MAN1A1: variants seen among roughly 807,000 people sequenced by gnomAD.
MAN1A1 encodes the protein mannosidase alpha class 1A member 1.
In MAN1A1, 29 loss-of-function variants were observed where a neutral mutation model predicts 70.8. That is an observed-to-expected ratio of 0.41 (90% CI 0.31 to 0.56). MAN1A1 has a LOEUF of 0.56. Ranked by LOEUF, MAN1A1 falls within the 20% of genes least tolerant of loss-of-function variation. The pLI is 0.29. For synonymous variants in MAN1A1, 349 were observed against 330.1 expected, an observed-to-expected ratio of 1.06 and a Z score of -0.62; for missense variants, 747 against 841.3, an observed-to-expected ratio of 0.89 and a Z score of 1.39.
chr6:119,291,505 G>A lies in MAN1A1; in HGVS notation c.817-742C>T, dbSNP rs568558168. ...ACAATATTTGATATTCTCTATTTGT[G>A]TAAACATAATGGGGCCAGGGCATTT... On this transcript the variant is annotated intron_variant, in intron 4 of 12. Coordinates refer to ENST00000368468, the MANE Select transcript of MAN1A1 (RefSeq NM_005907.4). Among the ~76,000 whole-genome samples, 11 of 146,216 alleles carry A rather than the reference G, an allele frequency of 7.5e-5. No individual in the cohort carries two copies. The Admixed American group carries it at 7.5e-4, about 10-fold the overall frequency.
In MAN1A1 at chr6:119,348,913, GA is replaced by G; in HGVS notation, c.152del (p.Phe51SerfsTer152). The G allele has an allele frequency of 1.3e-6, 2 of 1,535,094 alleles. No homozygotes were observed. The highest frequency in any genetic ancestry group is 2.0e-5 in the Admixed American group (1 of 50,064). Reference protein sequence around the residue: ...KFVLLLVFSAFITLCFGAIFF... With the variant: ...KFVLLLVFSAXITLCFGAIFF... ...AGATCGCCCCGAAGCAGAGCGTGAT[GA>G]AGGCGCTGAATACCAGCAGCAGCAC... On this transcript the variant is annotated frameshift_variant, in exon 2 of 13. Coordinates refer to ENST00000368468, the MANE Select transcript of MAN1A1 (RefSeq NM_005907.4). LOFTEE classifies it high-confidence loss of function.
In MAN1A1 at chr6:119,225,146, TA is replaced by T. The variant is rs534910366; in HGVS notation, c.993-20265del. Among the ~76,000 whole-genome samples, 327 of 147,648 alleles carry T rather than the reference TA, an allele frequency of 2.2e-3. 1 individual carries two copies. The highest frequency in any genetic ancestry group is 4.3e-3 in the Non-Finnish European group (283 of 66,540). Reference sequence around the variant, plus strand: ...GCAACAGAGCGAGACTCTGTCTCAATAAAAAAAAAATTGTATCTGAAGAATA... The same window carrying T: ...GCAACAGAGCGAGACTCTGTCTCAATAAAAAAAAATTGTATCTGAAGAATA... On this transcript the variant is annotated intron_variant, in intron 6 of 12. Transcript: ENST00000368468.
intron 5 of MAN1A1, among the ~76,000 whole-genome samples, chr6:119,263,027 C>T (rs569856712): frequency 6.6e-6 from 1 of 152,206 alleles, no homozygotes; most frequent in Non-Finnish European, 1.5e-5. Flanking sequence ...ATGGGCTTAG[C>T]CTCCCAGCCT....
At chr6:119,272,725 T>C (rs1341027110) in intron 5 of MAN1A1, among the ~76,000 whole-genome samples, 1 of 152,166 alleles carries the variant, frequency 6.6e-6, no homozygotes, top group Non-Finnish European at 1.5e-5. Context: ...TACCACACTT[T>C]CGATTGATTT....
rs76852207 is a variant in MAN1A1, at chr6:119,196,238, G to A, written c.1211-2346C>T. On this transcript the variant is annotated intron_variant, in intron 8 of 12. Coordinates refer to ENST00000368468, the MANE Select transcript of MAN1A1 (RefSeq NM_005907.4). The stretch of plus-strand genomic sequence containing the variant: ...GATTTTTTTTAAAAAAGAAAAAAGT[G>A]TTATATAAGAATACATTTGTTTTAA... Among the ~76,000 whole-genome samples the A allele has an allele frequency of 2.8e-3, 423 of 151,728 alleles. 4 individuals carry two copies. Among genetic ancestry groups the A allele is most frequent in the African/African-American group, 9.4e-3 (389 of 41,370 alleles).
At chr6:119,345,466 T>C (rs1156636315) in intron 2 of MAN1A1, among the ~76,000 whole-genome samples, 2 of 152,236 alleles carry the variant, frequency 1.3e-5, no homozygotes. Flanking sequence ...AAGATCTTAA[T>C]TCTATTTTGA....
In MAN1A1 at chr6:119,263,871, C is replaced by T. The variant is rs376489288; in HGVS notation, c.898-15517G>A. Among the ~76,000 whole-genome samples the T allele has an allele frequency of 4.6e-5, 7 of 152,024 alleles. No individual in the cohort carries two copies. In the East Asian group the frequency reaches 7.7e-4, roughly 17 times the overall value. On this transcript the variant is annotated intron_variant, in intron 5 of 12. Transcript: ENST00000368468. ...GTTTTCCCAAATATAAATGAAACCTCGAATAGTTTAACACTCCATTTGATA... is the reference window on the plus strand; with the variant it reads ...GTTTTCCCAAATATAAATGAAACCTTGAATAGTTTAACACTCCATTTGATA...
At position 119,182,492 on chromosome 6, in the gene MAN1A1, AC is replaced by A. The variant is rs1398727940; in HGVS notation, c.1720-2066del. ...TAGGAGTTTTATGGTTTCAGGTCTT[AC>A]ATTTAAGTCTTTAATTCATTTTGAG... On this transcript the variant is annotated intron_variant, in intron 11 of 12. Transcript: ENST00000368468. Among the ~76,000 whole-genome samples, 4 of 150,000 alleles carry A rather than the reference AC, an allele frequency of 2.7e-5. No individual in the cohort carries two copies. In the East Asian group the frequency reaches 5.8e-4, roughly 22 times the overall value.
chr6:119,342,579 T>C (rs1176823859), intron 2 of MAN1A1, among the ~76,000 whole-genome samples: 1 of 152,306 alleles, frequency 6.6e-6, no homozygotes, highest in East Asian at 1.9e-4. Context: ...AGAGGCCAGA[T>C]TCAGACCCAC....
chr6:119,194,611 A>C (rs535729969), intron 8 of MAN1A1, among the ~76,000 whole-genome samples: 25 of 152,288 alleles, frequency 1.6e-4, no homozygotes, highest in African/African-American at 5.8e-4. Context: ...GGCATGAACC[A>C]CTGTGCTCAG....
chr6:119,316,126 C>T (rs1582797305), intron 2 of MAN1A1, among the ~76,000 whole-genome samples: 1 of 150,764 alleles, frequency 6.6e-6, no homozygotes, highest in East Asian at 1.9e-4. Flanking sequence ...GAAGCATCAG[C>T]AACTACAGAT....
intron 5 of MAN1A1, among the ~76,000 whole-genome samples, chr6:119,272,704 A>G (rs1775957521): frequency 1.3e-5 from 2 of 152,232 alleles, no homozygotes; most frequent in South Asian, 4.1e-4. Flanking sequence ...TACAAAATAC[A>G]TACTATTTTG....
chr6:119,306,030 A>C (rs1772515720), intron 3 of MAN1A1, among the ~76,000 whole-genome samples: 1 of 152,208 alleles, frequency 6.6e-6, no homozygotes, highest in Non-Finnish European at 1.5e-5. Flanking sequence ...AAATAAGATA[A>C]TGCATGAATG....
intron 6 of MAN1A1, among the ~76,000 whole-genome samples, chr6:119,209,676 A>G (rs1036992731): frequency 6.6e-6 from 1 of 152,232 alleles, no homozygotes; most frequent in Non-Finnish European, 1.5e-5. Context: ...TAGATAAAGC[A>G]ATTTGAGCTT....
chr6:119,263,604 A>G (rs6930319), intron 5 of MAN1A1, among the ~76,000 whole-genome samples: 3,645 of 152,210 alleles, frequency 0.024, 167 homozygotes, highest in African/African-American at 0.084. Context: ...CTTCCATGAC[A>G]CGCCATGTAC....
At chr6:119,244,801 A>C (rs1775126841) in intron 6 of MAN1A1, among the ~76,000 whole-genome samples, 2 of 152,146 alleles carry the variant, frequency 1.3e-5, no homozygotes. Flanking sequence ...AACACACAAA[A>C]ATAAATTCTG....
At chr6:119,275,277 A>ATTT (rs869090504) in intron 5 of MAN1A1, among the ~76,000 whole-genome samples, 2 of 52,890 alleles carry the variant, frequency 3.8e-5, no homozygotes, top group Non-Finnish European at 7.1e-5. Context: ...TACCCAGCTA[A>ATTT]TTTTTTTTTT....
At chr6:119,272,315 G>A (rs906956397) in intron 5 of MAN1A1, among the ~76,000 whole-genome samples, 1 of 152,016 alleles carries the variant, frequency 6.6e-6, no homozygotes, top group Non-Finnish European at 1.5e-5. Context: ...CTCAGACCAG[G>A]TTTTCTTTTT....
At chr6:119,314,741 G>A (rs781124362) in intron 2 of MAN1A1, among the ~76,000 whole-genome samples, 10 of 152,106 alleles carry the variant, frequency 6.6e-5, no homozygotes, top group Admixed American at 2.0e-4. Context: ...GACACATGCC[G>A]AATCAGGACT....
Sources: gnomAD v4.1 joint callset for allele counts (sites outside exome capture counted in the v4.1 genomes callset) on GRCh38, gnomAD v4.1.1 for gene constraint, MANE v1.5 for transcripts, NCBI Gene and HGNC (gene_info 2026-07-23, HGNC 2026-07-21) for gene names.